The following ARMH4 variants were observed in gnomAD, a reference collection of about 807,000 sequenced individuals.
ARMH4 encodes armadillo-like helical domain-containing protein 4.
Under a neutral mutation model 61.9 loss-of-function variants are expected in ARMH4, and 49 were observed. The ratio of observed to expected loss-of-function variants is 0.79; its 90% CI spans 0.63 to 1.00. The LOEUF (loss-of-function observed/expected upper bound fraction) is 1.00, where lower values mean the gene tolerates loss of function less well. Among genes scored for constraint, ARMH4 ranks in the 50% least tolerant of loss-of-function variants. The pLI is 0.00. For missense variants in ARMH4, 934 were observed against 930.0 expected (o/e 1.00, Z -0.06); for synonymous variants, 368 against 341.5 (o/e 1.08, Z -0.85).
intron 2 of ARMH4, among the ~76,000 whole-genome samples, chr14:58,137,211 G>A (rs1887330990): frequency 6.6e-6 from 1 of 152,196 alleles, no homozygotes; most frequent in South Asian, 2.1e-4. Context: ...ATAATTCTTT[G>A]TTATGGGGGG....
rs1297351462 is a variant in ARMH4 at position 58,002,025 on chromosome 14, A to C, written c.*2711T>G. The C allele has an allele frequency of 6.6e-6, 1 of 152,052 alleles. No individual in the cohort carries two copies. The highest frequency in any genetic ancestry group is 1.5e-5 in the Non-Finnish European group (1 of 68,004). The allele number at this position is 152,052 out of a possible 1,614,324, so 9.4% of individuals were successfully genotyped here. A position where few individuals can be genotyped will look rare whatever the true frequency, so the allele number is the denominator to read the frequency against. ...GCCTAGTTGTTTGAATAAAAAGTTG[A>C]CTTTCTATTTTAATTGTGCAAATAT... is the stretch of plus-strand genomic sequence containing the variant. On this transcript the variant is annotated 3_prime_UTR_variant, in exon 8 of 8. Transcript: ENST00000267485.
chr14:58,111,521 C>G (rs770673444), intron 4 of ARMH4, among the ~76,000 whole-genome samples: 7 of 152,136 alleles, frequency 4.6e-5, no homozygotes, highest in Non-Finnish European at 1.0e-4. Context: ...AATTTATTTT[C>G]TCACAGTTTT....
At chr14:58,099,555 T>G (rs1885885256) in intron 4 of ARMH4, among the ~76,000 whole-genome samples, 1 of 151,944 alleles carries the variant, frequency 6.6e-6, no homozygotes, top group Non-Finnish European at 1.5e-5. Context: ...GTTGGAGTGG[T>G]TCAAAAAAAG....
chr14:58,084,027 C>T (rs1885307658), intron 5 of ARMH4, among the ~76,000 whole-genome samples: 1 of 152,156 alleles, frequency 6.6e-6, no homozygotes, highest in Non-Finnish European at 1.5e-5. Flanking sequence ...CATAAAGTCA[C>T]TAGACCAAGG....
At chr14:58,025,291 G>C (rs1882984176) in intron 5 of ARMH4, among the ~76,000 whole-genome samples, 1 of 152,072 alleles carries the variant, frequency 6.6e-6, no homozygotes, top group African/African-American at 2.4e-5. Flanking sequence ...CAGACTACTT[G>C]AATTTATAAA....
intron 5 of ARMH4, among the ~76,000 whole-genome samples, chr14:58,021,806 C>A (rs1334887992): frequency 1.3e-5 from 2 of 152,184 alleles, no homozygotes; most frequent in East Asian, 3.9e-4. Context: ...TCGTTCCAAG[C>A]ATTTATGAGG....
intron 5 of ARMH4, among the ~76,000 whole-genome samples, chr14:58,048,671 A>G (rs1180670193): frequency 6.6e-6 from 1 of 152,222 alleles, no homozygotes; most frequent in Non-Finnish European, 1.5e-5. Flanking sequence ...AATGTTGAAA[A>G]CAGGAAGGAA....
At chr14:58,023,143 T>C (rs972156543) in intron 5 of ARMH4, among the ~76,000 whole-genome samples, 2 of 152,174 alleles carry the variant, frequency 1.3e-5, no homozygotes, top group Admixed American at 1.3e-4. Flanking sequence ...TTTCTTAAAA[T>C]AAAACAACAA....
intron 3 of ARMH4, among the ~76,000 whole-genome samples, chr14:58,132,064 A>G (rs188124151): frequency 1.3e-5 from 2 of 152,346 alleles, no homozygotes; most frequent in African/African-American, 4.8e-5. Flanking sequence ...AATATATTAA[A>G]CTGTATTTCA....
chr14:58,009,529 G>C (rs1028219869), intron 6 of ARMH4, among the ~76,000 whole-genome samples: 12 of 151,982 alleles, frequency 7.9e-5, no homozygotes, highest in African/African-American at 2.7e-4. Context: ...AGACAATAGG[G>C]GCCGGGCACA....
chr14:58,068,732 C>T (rs939396923), intron 5 of ARMH4, among the ~76,000 whole-genome samples: 6 of 152,118 alleles, frequency 3.9e-5, no homozygotes, highest in Non-Finnish European at 7.4e-5. Flanking sequence ...CTAGGCCACG[C>T]GCGGTGGCTC....
chr14:58,053,834 G>A (rs554444994), intron 5 of ARMH4, among the ~76,000 whole-genome samples: 2 of 152,236 alleles, frequency 1.3e-5, no homozygotes, highest in African/African-American at 4.8e-5. Context: ...TACAGGTCAC[G>A]TCAGTCACAA....
chr14:58,001,734 T>C lies in ARMH4; in HGVS notation c.*3002A>G, dbSNP rs1471402799. 6.6e-6 allele frequency: 1 copy of C among 152,190 alleles called. No individual in the cohort carries two copies. The highest frequency in any genetic ancestry group is 1.5e-5 in the Non-Finnish European group (1 of 68,030). The allele number at this position is 152,190 out of a possible 1,614,324, so 9.4% of individuals were successfully genotyped here. A position where few individuals can be genotyped will look rare whatever the true frequency, so the allele number is the denominator to read the frequency against. Reference sequence around the variant, plus strand: ...GCATGAATACCCCAAGCTCCTTCCCTGGAGATTCTAACTCATCAGGTCTGG... The same window carrying C: ...GCATGAATACCCCAAGCTCCTTCCCCGGAGATTCTAACTCATCAGGTCTGG... On this transcript the variant is annotated 3_prime_UTR_variant, in exon 8 of 8. Coordinates refer to ENST00000267485, the MANE Select transcript of ARMH4 (RefSeq NM_001001872.4).
At position 58,054,853 on chromosome 14, in the gene ARMH4, G is replaced by A. The variant is rs536814030; in HGVS notation, c.2089+41871C>T. Among the ~76,000 whole-genome samples, 89 of 142,148 alleles carry A rather than the reference G, an allele frequency of 6.3e-4. 1 individual carries two copies. In the South Asian group the frequency reaches 0.02, roughly 32 times the overall value. The allele number at this position is 142,148 out of a possible 152,430, so 93.3% of individuals were successfully genotyped here. The stretch of plus-strand genomic sequence containing the variant: ...GATCGTGCCACTCCAGTGTGTGCAA[G>A]AGAAGGACTCTGTCTCAAAAAAAAA... On this transcript the variant is annotated intron_variant, in intron 5 of 7. Coordinates refer to ENST00000267485, the MANE Select transcript of ARMH4 (RefSeq NM_001001872.4).
intron 4 of ARMH4, among the ~76,000 whole-genome samples, chr14:58,117,748 T>C (rs958399962): frequency 1.3e-5 from 2 of 152,074 alleles, no homozygotes; most frequent in Admixed American, 1.3e-4. Context: ...GTGTATATGT[T>C]TCAAATGAGT....
Position 58,138,415 on chromosome 14 carries a change from T to A in ARMH4, c.944A>T (p.Asp315Val). 1 of 1,614,258 alleles carries A rather than the reference T, an allele frequency of 6.2e-7. No individual in the cohort carries two copies. Among genetic ancestry groups the A allele is most frequent in the Non-Finnish European group, 8.5e-7 (1 of 1,180,048 alleles). The change falls in exon 2 of 8, where the codon GAT (aspartate) becomes GTT (valine). Residue 315 changes from aspartate (D) to valine (V), a missense_variant. Transcript: ENST00000267485. Reference protein sequence around the residue: ...PAASALSDEWDDTKLESVSRI... With the variant: ...PAASALSDEWVDTKLESVSRI... ...GCTTACACTCTCTAATTTGGTGTCA[T>A]CCCACTCATCACTTAAGGCAGAGGC...
chr14:58,141,154 TATC>T (rs1887536325), intron 1 of ARMH4: 1 of 233,644 alleles, frequency 4.3e-6, no homozygotes, highest in Non-Finnish European at 8.4e-6. Flanking sequence ...AAACCCTAAA[TATC>T]ATCATTAAAT....
rs920496818 is a variant in ARMH4 at position 58,133,010 on chromosome 14, G to A, written c.1621+80C>T. 3.3e-6 allele frequency: 5 copies of A among 1,512,488 alleles called. No individual in the cohort carries two copies. In the African/African-American group the frequency reaches 5.5e-5, roughly 17 times the overall value. 93.7% of individuals were successfully genotyped at this position (1,512,488 alleles called of 1,614,324 possible). On this transcript the variant is annotated intron_variant, in intron 3 of 7. Transcript: ENST00000267485. ...GCGCGCGCTGATGGCAATGTCGGCT[G>A]CCTCACTCATTCTATTCCTAGTCCA...
In ARMH4 at chr14:58,122,735, G is replaced by A. The variant is rs761233813; in HGVS notation, c.1831+8777C>T. Among the ~76,000 whole-genome samples, 23 of 152,122 alleles carry A rather than the reference G, an allele frequency of 1.5e-4. 1 individual carries two copies. Among genetic ancestry groups the A allele is most frequent in the Admixed American group, 1.3e-3 (20 of 15,266 alleles). On this transcript the variant is annotated intron_variant, in intron 4 of 7. Coordinates refer to ENST00000267485, the MANE Select transcript of ARMH4 (RefSeq NM_001001872.4). ...GCCTAATAGGGCTTGCTTCCAGTGCGGTCTACCAGGACACTTTAAAAAAGA... is the reference window on the plus strand; with the variant it reads ...GCCTAATAGGGCTTGCTTCCAGTGCAGTCTACCAGGACACTTTAAAAAAGA...
Sources: gnomAD v4.1 joint callset for allele counts (sites outside exome capture counted in the v4.1 genomes callset) on GRCh38, gnomAD v4.1.1 for gene constraint, MANE v1.5 for transcripts, NCBI Gene and HGNC (gene_info 2026-07-23, HGNC 2026-07-21) for gene names.